PTPN4: variants seen among roughly 807,000 people sequenced by gnomAD.
The protein encoded by PTPN4 is protein tyrosine phosphatase non-receptor type 4.
In PTPN4, 49 loss-of-function variants were observed where a neutral mutation model predicts 135.5. That is an observed-to-expected ratio of 0.36 (90% CI 0.29 to 0.46). PTPN4 has a LOEUF of 0.46. Among genes scored for constraint, PTPN4 ranks in the 20% least tolerant of loss-of-function variants. The pLI is 1.00. For synonymous variants in PTPN4, 333 were observed against 369.9 expected, an observed-to-expected ratio of 0.90 and a Z score of 1.14; for missense variants, 860 against 1,101.0, an observed-to-expected ratio of 0.78 and a Z score of 3.10.
At chr2:119,942,120 G>T (rs1679069931) in intron 15 of PTPN4, among the ~76,000 whole-genome samples, 1 of 152,210 alleles carries the variant, frequency 6.6e-6, no homozygotes, top group Non-Finnish European at 1.5e-5. Flanking sequence ...CATAATCCAT[G>T]AATTTATAAC....
At chr2:119,840,596 A>C (rs950463252) in intron 2 of PTPN4, among the ~76,000 whole-genome samples, 3 of 152,204 alleles carry the variant, frequency 2.0e-5, no homozygotes, top group Non-Finnish European at 4.4e-5. Context: ...TCCTTTGGGT[A>C]TGTACCCAGT....
At chr2:119,864,584 C>A (rs1307269795) in intron 3 of PTPN4, among the ~76,000 whole-genome samples, 1 of 152,004 alleles carries the variant, frequency 6.6e-6, no homozygotes, top group Non-Finnish European at 1.5e-5. Flanking sequence ...CAGTGACTCA[C>A]CACTGTAGTC....
Position 119,979,178 on chromosome 2 carries a change from C to A in PTPN4, c.*2108C>A, listed in dbSNP as rs999806363. The A allele has an allele frequency of 6.6e-6, 1 of 152,020 alleles. No homozygotes were observed. The highest frequency in any genetic ancestry group is 2.4e-5 in the African/African-American group (1 of 41,412). 9.4% of individuals were successfully genotyped at this position (152,020 alleles called of 1,614,324 possible). A position where few individuals can be genotyped will look rare whatever the true frequency, so the allele number is the denominator to read the frequency against. On this transcript the variant is annotated 3_prime_UTR_variant, in exon 27 of 27. Coordinates refer to ENST00000263708, the MANE Select transcript of PTPN4 (RefSeq NM_002830.4). ...TCTACACATTAAATGACTGTTTTGG[C>A]AGTTTTTCACCTGAATTTAAAAATA... is the stretch of plus-strand genomic sequence containing the variant.
At chr2:119,971,390 G>A (rs1266144830) in intron 26 of PTPN4, among the ~76,000 whole-genome samples, 1 of 152,224 alleles carries the variant, frequency 6.6e-6, no homozygotes, top group Non-Finnish European at 1.5e-5. Context: ...TTTGACATGA[G>A]ATTTGGGTGA....
In PTPN4 at chr2:119,884,140, C is replaced by T. The variant is rs1180651592; in HGVS notation, c.587+1517C>T. Reference sequence around the variant, plus strand: ...GTCTTGATCTCCTGACCTCGTGATCCGCCTGCCTTGGCCTCCCAAAGTGCT... The same window carrying T: ...GTCTTGATCTCCTGACCTCGTGATCTGCCTGCCTTGGCCTCCCAAAGTGCT... On this transcript the variant is annotated intron_variant, in intron 8 of 26. Coordinates refer to ENST00000263708, the MANE Select transcript of PTPN4 (RefSeq NM_002830.4). Among the ~76,000 whole-genome samples, 19 of 152,208 alleles carry T rather than the reference C, an allele frequency of 1.2e-4. No homozygotes were observed. The East Asian group carries it at 3.1e-3, about 25-fold the overall frequency.
At chr2:119,784,589 G>C (rs1335710026) in intron 1 of PTPN4, among the ~76,000 whole-genome samples, 2 of 151,554 alleles carry the variant, frequency 1.3e-5, no homozygotes, top group Admixed American at 6.6e-5. Context: ...GGGTTTCGCT[G>C]TGTTAGCCAG....
At chr2:119,771,724 C>T (rs978299639) in intron 1 of PTPN4, 1 of 152,186 alleles carries the variant, frequency 6.6e-6, no homozygotes, top group Non-Finnish European at 1.5e-5. Context: ...TATCACAGCC[C>T]TATCAGCCCT....
chr2:119,935,340 G>A (rs548777378), intron 15 of PTPN4, among the ~76,000 whole-genome samples: 4 of 152,288 alleles, frequency 2.6e-5, no homozygotes, highest in African/African-American at 7.2e-5. Context: ...TACAAGATAT[G>A]TAGATAGGTA....
intron 1 of PTPN4, among the ~76,000 whole-genome samples, chr2:119,773,533 C>A (rs757407199): frequency 1.7e-4 from 26 of 152,014 alleles, no homozygotes; most frequent in Non-Finnish European, 3.2e-4. Context: ...GTCAGGAGTT[C>A]AAGACCAGCC....
At chr2:119,854,797 G>T (rs536391792) in intron 2 of PTPN4, among the ~76,000 whole-genome samples, 2 of 152,162 alleles carry the variant, frequency 1.3e-5, no homozygotes, top group Non-Finnish European at 1.5e-5. Flanking sequence ...ATGGCCACCC[G>T]GGCTGAAGCC....
intron 2 of PTPN4, among the ~76,000 whole-genome samples, chr2:119,812,654 T>C (rs993620295): frequency 5.3e-5 from 8 of 152,202 alleles, no homozygotes; most frequent in African/African-American, 1.9e-4. Flanking sequence ...GGCTTTGGTA[T>C]AACCATTTAT....
intron 1 of PTPN4, among the ~76,000 whole-genome samples, chr2:119,793,071 G>A (rs1691178808): frequency 6.6e-6 from 1 of 152,212 alleles, no homozygotes; most frequent in South Asian, 2.1e-4. Context: ...TTCAAGAGTG[G>A]AGAACTGGTC....
chr2:119,971,549 A>T (rs2105065896), intron 26 of PTPN4, among the ~76,000 whole-genome samples: 1 of 152,068 alleles, frequency 6.6e-6, no homozygotes, highest in South Asian at 2.1e-4. Context: ...AGTTGTAAGT[A>T]TTTTTTTTAT....
chr2:119,805,253 G>A (rs1574343294), intron 1 of PTPN4, among the ~76,000 whole-genome samples: 1 of 152,120 alleles, frequency 6.6e-6, no homozygotes, highest in Non-Finnish European at 1.5e-5. Flanking sequence ...CACTCTGATG[G>A]TAGTTTCTTT....
intron 10 of PTPN4, among the ~76,000 whole-genome samples, chr2:119,913,787 A>T (rs1400602539): frequency 1.3e-5 from 2 of 152,216 alleles, no homozygotes; most frequent in African/African-American, 4.8e-5. Context: ...TATACTGTTT[A>T]CAAGAGACAT....
chr2:119,775,506 C>A (rs1010488275), intron 1 of PTPN4, among the ~76,000 whole-genome samples: 1 of 152,174 alleles, frequency 6.6e-6, no homozygotes, highest in African/African-American at 2.4e-5. Flanking sequence ...CTCTTCCAAA[C>A]ACAACATTTC....
At chr2:119,841,605 C>T (rs1677382695) in intron 2 of PTPN4, among the ~76,000 whole-genome samples, 1 of 152,104 alleles carries the variant, frequency 6.6e-6, no homozygotes, top group Non-Finnish European at 1.5e-5. Context: ...GTTGCTAGCT[C>T]AAAAGGATTT....
intron 2 of PTPN4, among the ~76,000 whole-genome samples, chr2:119,861,641 T>C (rs1188647044): frequency 6.6e-6 from 1 of 152,220 alleles, no homozygotes; most frequent in African/African-American, 2.4e-5. Context: ...TTTTTTATCA[T>C]TGGATTTTAT....
At position 119,934,954 on chromosome 2, in the gene PTPN4, T is replaced by C. The variant is rs774019932; in HGVS notation, c.1351T>C (p.Ser451Pro). 6.2e-7 allele frequency: 1 copy of C among 1,611,072 alleles called. No homozygotes were observed. The highest frequency in any genetic ancestry group is 8.5e-7 in the Non-Finnish European group (1 of 1,178,746). ...TQANSIVLES[S>P]PSQETPGDGK... ...AGCTAATAGCATTGTTCTGGAATCA[T>C]CACCGTAAGAGCTTTTTTATTTTGC... is the stretch of plus-strand genomic sequence containing the variant. The change falls in exon 15 of 27, where the codon TCA (serine) becomes CCA (proline). Residue 451 changes from serine to proline, a missense_variant. Transcript: ENST00000263708.
Sources: gnomAD v4.1 joint callset for allele counts (sites outside exome capture counted in the v4.1 genomes callset) on GRCh38, gnomAD v4.1.1 for gene constraint, MANE v1.5 for transcripts, NCBI Gene and HGNC (gene_info 2026-07-23, HGNC 2026-07-21) for gene names.